Variants in TAF5 observed in about 807,000 individuals in gnomAD.
The protein encoded by TAF5 is transcription initiation factor TFIID subunit 5.
In TAF5, 20 loss-of-function variants were observed where a neutral mutation model predicts 80.9. That is an observed-to-expected ratio of 0.25 (90% CI 0.17 to 0.36). TAF5 has a LOEUF of 0.36. Ranked by LOEUF, TAF5 falls within the 10% of genes least tolerant of loss-of-function variation. TAF5 has a pLI of 1.00. For synonymous variants in TAF5, 388 were observed against 406.4 expected (o/e 0.95, Z 0.55); for missense variants, 863 against 1,029.4 (o/e 0.84, Z 2.21).
chr10:103,379,464 G>A, intron 3 of TAF5, 144 bp from the exon 4 acceptor site: 1 of 705,318 alleles, frequency 1.4e-6, no homozygotes, highest in Non-Finnish European at 2.2e-6. Flanking sequence ...AAAAAGGGGA[G>A]AATGGCTATT....
chr10:103,387,471 G>C (rs761549521), intron 9 of TAF5, 50 bp from the exon 10 acceptor site: 65 of 1,556,010 alleles, frequency 4.2e-5, no homozygotes, highest in Non-Finnish European at 5.2e-5. Context: ...TTAAAATTTT[G>C]TCTTATTTTC....
intron 7 of TAF5, among the ~76,000 whole-genome samples, chr10:103,384,466 C>T (rs1318664452): frequency 6.6e-6 from 1 of 152,098 alleles, no homozygotes; most frequent in Non-Finnish European, 1.5e-5. Flanking sequence ...CCTGTCTCCA[C>T]TAAAAAGTAC....
At position 103,368,472 on chromosome 10, in the gene TAF5, C is replaced by T. The variant is rs1431716596; in HGVS notation, c.483C>T (p.Pro161=). 1.3e-6 allele frequency: 2 copies of T among 1,582,940 alleles called. No homozygotes were observed. Among genetic ancestry groups the T allele is most frequent in the African/African-American group, 1.4e-5 (1 of 73,772 alleles). Residue 161 remains proline, a synonymous_variant, in exon 1 of 11, where the codon CCC becomes CCT. Transcript: ENST00000369839. ...CCTCGGCCCCTGGCCCTGCGGCCCC[C>T]GACCCTCCGGGCACTGGCGCTTCGG... The part of the protein sequence containing the change: ...VTASAPGPAA[P]DPPGTGASGA...
intron 2 of TAF5, among the ~76,000 whole-genome samples, chr10:103,375,181 G>T (rs2093367811): frequency 6.6e-6 from 1 of 151,824 alleles, no homozygotes; most frequent in Non-Finnish European, 1.5e-5. Flanking sequence ...TAATGACTGG[G>T]CGGAGGAGCA....
In TAF5 at chr10:103,379,812, G is replaced by C. The variant is rs369282671; in HGVS notation, c.1277+41G>C. On this transcript the variant is annotated intron_variant, in intron 4 of 10. Transcript: ENST00000369839. ...CAGGAACTTGTGTGTGGAGGTATAA[G>C]ACAACATGTTATATAGAGTTCAAGT... 3.1e-6 allele frequency: 5 copies of C among 1,596,756 alleles called. No individual in the cohort carries two copies. In the African/African-American group the frequency reaches 5.4e-5, roughly 17 times the overall value.
chr10:103,384,246 T>C (rs1365823621), intron 7 of TAF5, among the ~76,000 whole-genome samples: 1 of 152,126 alleles, frequency 6.6e-6, no homozygotes, highest in African/African-American at 2.4e-5. Context: ...TGTGTATAGG[T>C]ATTTGCCTAT....
chr10:103,387,790 T>A (rs1283872286), intron 10 of TAF5, 92 bp downstream of exon 10: 2 of 1,329,570 alleles, frequency 1.5e-6, no homozygotes, highest in Non-Finnish European at 2.1e-6. Context: ...TTTTAGGTTT[T>A]ACTTCCCTTT....
At position 103,388,159 on chromosome 10, in the gene TAF5, T is replaced by C; in HGVS notation, c.2339T>C (p.Val780Ala). ...LGTYMTKSTP[V>A]VHLHFTRRNL... ...ACATATATGACCAAATCAACACCAGTTGTACACCTTCATTTTACTCGAAGA... is the reference window on the plus strand; with the variant it reads ...ACATATATGACCAAATCAACACCAGCTGTACACCTTCATTTTACTCGAAGA... The change falls in exon 11 of 11, where the codon GTT (valine) becomes GCT (alanine). Residue 780 changes from valine to alanine, a missense_variant. Physicochemically the swap from Val to Ala is moderately conservative, Grantham distance 64. Coordinates refer to ENST00000369839, the MANE Select transcript of TAF5 (RefSeq NM_006951.5). 6.2e-7 allele frequency: 1 copy of C among 1,614,044 alleles called. No homozygotes were observed. Among genetic ancestry groups the C allele is most frequent in the African/African-American group, 1.3e-5 (1 of 75,056 alleles).
At chr10:103,372,574 T>C (rs950656178) in intron 1 of TAF5, among the ~76,000 whole-genome samples, 17 of 150,598 alleles carry the variant, frequency 1.1e-4, no homozygotes, top group African/African-American at 4.1e-4. Flanking sequence ...GACCTCGTGA[T>C]CCACCTGTCT....
Position 103,388,410 on chromosome 10 carries a change from T to C in TAF5, c.*187T>C. On this transcript the variant is annotated 3_prime_UTR_variant, in exon 11 of 11. Coordinates refer to ENST00000369839, the MANE Select transcript of TAF5 (RefSeq NM_006951.5). ...CTATAGCAACCACATTTGACTAATTTCCGTTAGTTGAATAAGAGGTATTAT... is the reference window on the plus strand; with the variant it reads ...CTATAGCAACCACATTTGACTAATTCCCGTTAGTTGAATAAGAGGTATTAT... 1.8e-6 allele frequency: 1 copy of C among 549,998 alleles called. No individual in the cohort carries two copies. The allele number at this position is 549,998 out of a possible 1,614,324, so 34.1% of individuals were successfully genotyped here. A position where few individuals can be genotyped will look rare whatever the true frequency, so the allele number is the denominator to read the frequency against.
intron 5 of TAF5, 112 bp downstream of exon 5, chr10:103,380,131 C>CTT (rs878890345): frequency 3.5e-3 from 3,398 of 977,242 alleles, no homozygotes; most frequent in South Asian, 3.9e-3. Flanking sequence ...ATTTAAACTC[C>CTT]TTTTTTTTTT....
At chr10:103,385,222 G>C in intron 7 of TAF5, 104 bp from the exon 8 acceptor site, 1 of 864,682 alleles carries the variant, frequency 1.2e-6, no homozygotes, top group Non-Finnish European at 1.7e-6. Flanking sequence ...ATTTAATATA[G>C]TCAAATATAT....
intron 2 of TAF5, among the ~76,000 whole-genome samples, chr10:103,375,509 A>G (rs556094432): frequency 6.6e-6 from 1 of 152,252 alleles, no homozygotes. Context: ...TATGCCTTTG[A>G]CTCATTTAAG....
At chr10:103,377,311 T>C (rs1413025040) in intron 2 of TAF5, among the ~76,000 whole-genome samples, 1 of 152,172 alleles carries the variant, frequency 6.6e-6, no homozygotes, top group Non-Finnish European at 1.5e-5. Context: ...GTTACTGATA[T>C]AAGAGGCTGA....
Position 103,378,679 on chromosome 10 carries a change from C to T in TAF5, c.1113+129C>T, listed in dbSNP as rs980731881. 27 of 1,109,016 alleles carry T rather than the reference C, an allele frequency of 2.4e-5. No individual in the cohort carries two copies. The African/African-American group carries it at 2.5e-4, about 10-fold the overall frequency. 68.7% of individuals were successfully genotyped at this position (1,109,016 alleles called of 1,614,324 possible). On this transcript the variant is annotated intron_variant, in intron 3 of 10. Coordinates refer to ENST00000369839, the MANE Select transcript of TAF5 (RefSeq NM_006951.5). This position sits in a 1 kb window ranked among gnomAD's most constrained non-coding sequence, Gnocchi z 4.1. ...TTTTTTTCGTTTGTTTGTTTTGAGACGGAGTTTTGCTCTTGTCACCCAAGC... is the reference window on the plus strand; with the variant it reads ...TTTTTTTCGTTTGTTTGTTTTGAGATGGAGTTTTGCTCTTGTCACCCAAGC...
Position 103,381,800 on chromosome 10 carries a change from C to T in TAF5, c.1493C>T (p.Ser498Leu). Residue 498 changes from serine (S) to leucine (L), a missense_variant, in exon 6 of 11, where the codon TCG becomes TTG. By Grantham distance (145) the Ser-to-Leu change is moderately radical (BLOSUM62 -2). Around this residue, in one of 3 missense-constraint regions of TAF5, gnomAD observed 368 missense variants for 461.7 expected, o/e 0.80. Transcript: ENST00000369839. ...GCAGATTCAACTGTCAGAGTGTGGT[C>T]GGTAACACCCAAAAAGCTTCGTAGT... ...GFADSTVRVW[S>L]VTPKKLRSVK... The T allele has an allele frequency of 1.2e-6, 2 of 1,614,062 alleles. No individual in the cohort carries two copies. The highest frequency in any genetic ancestry group is 1.7e-6 in the Non-Finnish European group (2 of 1,180,004).
In TAF5 at chr10:103,368,059, C is replaced by T. The variant is rs189802876; in HGVS notation, c.70C>T (p.Leu24=). 7,085 of 1,433,968 alleles carry T rather than the reference C, an allele frequency of 4.9e-3. 19 individuals are homozygous for T. The highest frequency in any genetic ancestry group is 5.9e-3 in the Non-Finnish European group (6,481 of 1,096,060). The allele number at this position is 1,433,968 out of a possible 1,614,324, so 88.8% of individuals were successfully genotyped here. ...KLEPEGPPTL[L]PPQAGDGAGE... The stretch of plus-strand genomic sequence containing the variant: ...AGAGCCTGAGGGACCGCCAACGCTG[C>T]TACCTCCGCAGGCGGGGGACGGCGC... Residue 24 remains leucine, a synonymous_variant, in exon 1 of 11, where the codon CTA becomes TTA. Coordinates refer to ENST00000369839, the MANE Select transcript of TAF5 (RefSeq NM_006951.5).
At chr10:103,386,885 G>A (rs996728700) in intron 8 of TAF5, among the ~76,000 whole-genome samples, 2 of 151,318 alleles carry the variant, frequency 1.3e-5, no homozygotes, top group Non-Finnish European at 1.5e-5. Context: ...GGCTGGTCTC[G>A]AACTCCTGAC....
chr10:103,373,638 T>C (rs1286584317), intron 2 of TAF5, 43 bp downstream of exon 2: 1 of 1,236,464 alleles, frequency 8.1e-7, no homozygotes. Context: ...ACATACGTAG[T>C]GTGTGTGTGT....
Sources: gnomAD v4.1 joint callset for allele counts (sites outside exome capture counted in the v4.1 genomes callset) on GRCh38, gnomAD v4.1.1 for gene constraint, gnomAD v4.1.1 regional missense constraint, Gnocchi (gnomAD v3.1) non-coding constraint, MANE v1.5 for transcripts, NCBI Gene and HGNC (gene_info 2026-07-23, HGNC 2026-07-21) for gene names.